The following RBMS3 variants were observed in gnomAD, a reference collection of about 807,000 sequenced individuals.
The protein encoded by RBMS3 is RNA-binding motif, single-stranded-interacting protein 3.
Under a neutral mutation model 66.8 loss-of-function variants are expected in RBMS3, and 27 were observed. That is an observed-to-expected ratio of 0.40 (90% CI 0.30 to 0.56). The LOEUF is 0.56. Ranked by LOEUF, RBMS3 falls within the 20% of genes least tolerant of loss-of-function variation. RBMS3 has a pLI of 0.40. For missense variants in RBMS3, 513 were observed against 549.5 expected (o/e 0.93, Z 0.66); for synonymous variants, 188 against 183.0 (o/e 1.03, Z -0.22).
chr3:29,399,605 A>G (rs562282345), intron 1 of RBMS3, among the ~76,000 whole-genome samples: 45 of 152,308 alleles, frequency 3.0e-4, no homozygotes, highest in South Asian at 2.7e-3. Context: ...GCCTGATTAC[A>G]TCAATGTCCT....
intron 6 of RBMS3, among the ~76,000 whole-genome samples, chr3:29,860,074 T>C (rs976852298): frequency 2.0e-5 from 3 of 152,220 alleles, no homozygotes; most frequent in Non-Finnish European, 2.9e-5. Context: ...GTGAAAATGA[T>C]TAAAGGCATG....
intron 6 of RBMS3, among the ~76,000 whole-genome samples, chr3:29,784,520 G>A (rs1016539450): frequency 9.9e-5 from 15 of 151,962 alleles, no homozygotes; most frequent in African/African-American, 3.4e-4. Context: ...CAAAACCTCT[G>A]GGATACACTA....
At chr3:29,347,971 C>T (rs987595673) in intron 1 of RBMS3, among the ~76,000 whole-genome samples, 5 of 152,102 alleles carry the variant, frequency 3.3e-5, no homozygotes, top group Non-Finnish European at 5.9e-5. Flanking sequence ...AAGTAAACAA[C>T]AAATGAGTTT....
chr3:29,692,620 C>G (rs1378848683), intron 4 of RBMS3, among the ~76,000 whole-genome samples: 2 of 152,270 alleles, frequency 1.3e-5, no homozygotes, highest in African/African-American at 4.8e-5. Context: ...CTCTTCCCAT[C>G]ATTTTCTCAG....
chr3:29,953,223 A>G (rs1695798388), intron 12 of RBMS3, among the ~76,000 whole-genome samples: 1 of 151,894 alleles, frequency 6.6e-6, no homozygotes, highest in Non-Finnish European at 1.5e-5. Flanking sequence ...TGTGTGTCTT[A>G]AGTGTTATTT....
rs751508348 is a variant in RBMS3, at chr3:29,597,738, A to AT, written c.399+10542dup. 2.5e-3 allele frequency among the ~76,000 whole-genome samples: 373 copies of AT among 151,328 alleles called. 1 individual carries two copies. Among genetic ancestry groups the AT allele is most frequent in the Non-Finnish European group, 3.7e-3 (252 of 67,702 alleles). On this transcript the variant is annotated intron_variant, in intron 4 of 14. Coordinates refer to ENST00000383767, the MANE Select transcript of RBMS3 (RefSeq NM_001003793.3). ...AGACTTTTTTTCCCTATTGAAATGG[A>AT]TTTTTTTTTCACTTTTCTGTGAAAG... is the stretch of plus-strand genomic sequence containing the variant.
chr3:29,825,041 CTT>C (rs199929851), intron 6 of RBMS3, among the ~76,000 whole-genome samples: 2,178 of 140,410 alleles, frequency 0.016, 55 homozygotes, highest in African/African-American at 0.052. Context: ...TATCATCATT[CTT>C]TTTTTTTTTT....
At chr3:29,349,838 C>T (rs1444042656) in intron 1 of RBMS3, among the ~76,000 whole-genome samples, 1 of 152,086 alleles carries the variant, frequency 6.6e-6, no homozygotes, top group African/African-American at 2.4e-5. Flanking sequence ...GTGAATCCAT[C>T]CCATGAATCT....
chr3:29,331,768 T>C lies in RBMS3; in HGVS notation c.75+50012T>C, dbSNP rs998402402. On this transcript the variant is annotated intron_variant, in intron 1 of 14. Transcript: ENST00000383767. ...CACAGGGGCTTGTCCATAATGGTGA[T>C]TTGAGTTTTCTGAAATAACAAAACT... Among the ~76,000 whole-genome samples, 4 of 151,758 alleles carry C rather than the reference T, an allele frequency of 2.6e-5. No individual in the cohort carries two copies. In the South Asian group the frequency reaches 6.2e-4, roughly 24 times the overall value.
intron 4 of RBMS3, among the ~76,000 whole-genome samples, chr3:29,650,509 T>A (rs184547023): frequency 6.6e-6 from 1 of 152,246 alleles, no homozygotes; most frequent in Non-Finnish European, 1.5e-5. Flanking sequence ...CCCATGTAGG[T>A]CTCACACTCC....
intron 14 of RBMS3, among the ~76,000 whole-genome samples, chr3:29,998,621 A>G (rs1241505959): frequency 6.6e-6 from 1 of 152,224 alleles, no homozygotes; most frequent in Non-Finnish European, 1.5e-5. Flanking sequence ...GCATATCTAC[A>G]ACTATCTAAT....
At chr3:29,309,261 T>C (rs927870847) in intron 1 of RBMS3, among the ~76,000 whole-genome samples, 1 of 151,776 alleles carries the variant, frequency 6.6e-6, no homozygotes, top group Non-Finnish European at 1.5e-5. Context: ...TTTGGAGACA[T>C]GACGGAGAGT....
intron 11 of RBMS3, 23 bp downstream of exon 11, chr3:29,936,219 T>A: frequency 6.2e-7 from 1 of 1,600,698 alleles, no homozygotes; most frequent in South Asian, 1.1e-5. Context: ...GATTGTTTTG[T>A]TTCCTTGAAC....
At chr3:29,331,772 A>G (rs2035672407) in intron 1 of RBMS3, among the ~76,000 whole-genome samples, 1 of 138,524 alleles carries the variant, frequency 7.2e-6, no homozygotes, top group African/African-American at 2.7e-5. Flanking sequence ...TGGTGATTTG[A>G]GTTTTCTGAA....
intron 3 of RBMS3, among the ~76,000 whole-genome samples, chr3:29,492,717 T>A (rs145959788): frequency 6.1e-4 from 92 of 151,646 alleles, no homozygotes; most frequent in African/African-American, 2.1e-3. Context: ...GGAGGAAGGA[T>A]ATGGGAGAAA....
chr3:29,563,658 C>G (rs1170208207), intron 3 of RBMS3, among the ~76,000 whole-genome samples: 1 of 152,092 alleles, frequency 6.6e-6, no homozygotes, highest in Non-Finnish European at 1.5e-5. Context: ...AAATACAAGA[C>G]ACCAAAAAAT....
At chr3:29,536,588 T>C (rs895458589) in intron 3 of RBMS3, among the ~76,000 whole-genome samples, 1 of 152,186 alleles carries the variant, frequency 6.6e-6, no homozygotes, top group Non-Finnish European at 1.5e-5. Context: ...TTAGGCAAAC[T>C]TGGAGACGTG....
At chr3:29,713,932 G>A (rs1376153920) in intron 4 of RBMS3, among the ~76,000 whole-genome samples, 4 of 152,068 alleles carry the variant, frequency 2.6e-5, no homozygotes, top group Non-Finnish European at 4.4e-5. Flanking sequence ...GTGCGTGCCT[G>A]TAGTCCCAGC....
At chr3:29,564,462 G>A (rs1333529637) in intron 3 of RBMS3, among the ~76,000 whole-genome samples, 5 of 150,186 alleles carry the variant, frequency 3.3e-5, no homozygotes, top group African/African-American at 1.2e-4. Context: ...CTCCAGCCTG[G>A]GCGACAAGAG....
Sources: gnomAD v4.1 joint callset for allele counts (sites outside exome capture counted in the v4.1 genomes callset) on GRCh38, gnomAD v4.1.1 for gene constraint, MANE v1.5 for transcripts, NCBI Gene and HGNC (gene_info 2026-07-23, HGNC 2026-07-21) for gene names.